Variants in CSGALNACT1 observed in about 807,000 individuals in gnomAD.
CSGALNACT1 encodes the protein beta4GalNAcT-1.
In CSGALNACT1, 52 loss-of-function variants were observed where a neutral mutation model predicts 51.0. The ratio of observed to expected loss-of-function variants is 1.02; its 90% CI spans 0.82 to 1.29. The LOEUF (loss-of-function observed/expected upper bound fraction) is 1.29, where lower values mean the gene tolerates loss of function less well. Among genes scored for constraint, CSGALNACT1 ranks in the 50% most tolerant of loss-of-function variants. The pLI, the probability that CSGALNACT1 is intolerant of heterozygous loss-of-function variation, is 0.00. For missense variants in CSGALNACT1, 935 were observed against 679.2 expected (o/e 1.38, Z -4.19); for synonymous variants, 341 against 254.4 (o/e 1.34, Z -3.24).
At chr8:19,749,340 T>G (rs2064886310) in intron 1 of CSGALNACT1, among the ~76,000 whole-genome samples, 1 of 148,450 alleles carries the variant, frequency 6.7e-6, no homozygotes, top group Non-Finnish European at 1.5e-5. Flanking sequence ...CGATACTGTT[T>G]TTAAATTTTT....
At chr8:19,488,073 G>A (rs2073416256) in intron 4 of CSGALNACT1, among the ~76,000 whole-genome samples, 2 of 151,962 alleles carry the variant, frequency 1.3e-5, no homozygotes, top group African/African-American at 4.8e-5. Context: ...CAGGGGGCTG[G>A]GCTCAGTGGC....
chr8:19,459,549 G>A (rs929129810), intron 4 of CSGALNACT1, among the ~76,000 whole-genome samples: 1 of 152,050 alleles, frequency 6.6e-6, no homozygotes, highest in Non-Finnish European at 1.5e-5. Context: ...AAAATATTCA[G>A]TACAGTGGTA....
At chr8:19,748,913 C>T (rs2064856810) in intron 1 of CSGALNACT1, among the ~76,000 whole-genome samples, 1 of 151,154 alleles carries the variant, frequency 6.6e-6, no homozygotes, top group Non-Finnish European at 1.5e-5. Flanking sequence ...TGCAGTGAGC[C>T]GAGATCGCAC....
intron 1 of CSGALNACT1, among the ~76,000 whole-genome samples, chr8:19,638,050 G>A (rs1324749365): frequency 1.3e-5 from 2 of 152,156 alleles, no homozygotes; most frequent in African/African-American, 4.8e-5. Context: ...AAGTTTCGAT[G>A]AAGGTATAGA....
chr8:19,595,504 A>C (rs1348661559), intron 2 of CSGALNACT1, among the ~76,000 whole-genome samples: 32 of 152,214 alleles, frequency 2.1e-4, no homozygotes, highest in Admixed American at 2.1e-3. Context: ...TAAGAACTTA[A>C]ATATGATTTT....
At chr8:19,598,876 C>CCATT (rs1302986524) in intron 2 of CSGALNACT1, among the ~76,000 whole-genome samples, 1 of 152,180 alleles carries the variant, frequency 6.6e-6, no homozygotes, top group Non-Finnish European at 1.5e-5. Context: ...ATTCACTTTT[C>CCATT]CATTCATTCA....
intron 1 of CSGALNACT1, among the ~76,000 whole-genome samples, chr8:19,727,095 G>A (rs1362801653): frequency 6.6e-6 from 1 of 152,086 alleles, no homozygotes; most frequent in Non-Finnish European, 1.5e-5. Flanking sequence ...CCATTCCTGG[G>A]GCTGAGGGAA....
intron 1 of CSGALNACT1, among the ~76,000 whole-genome samples, chr8:19,651,965 C>T (rs1460914883): frequency 2.0e-5 from 3 of 151,702 alleles, no homozygotes; most frequent in Non-Finnish European, 4.4e-5. Context: ...GGCTCTCACT[C>T]TGCCACCCAG....
At chr8:19,430,729 A>G (rs2059527974) in intron 6 of CSGALNACT1, among the ~76,000 whole-genome samples, 2 of 152,138 alleles carry the variant, frequency 1.3e-5, no homozygotes, top group South Asian at 2.1e-4. Context: ...CATATCTACA[A>G]GAAAGTCATC....
chr8:19,621,421 G>C (rs937394566), intron 1 of CSGALNACT1, among the ~76,000 whole-genome samples: 1 of 152,090 alleles, frequency 6.6e-6, no homozygotes, highest in African/African-American at 2.4e-5. Flanking sequence ...GAAAACCTAT[G>C]TTTGCATATG....
At chr8:19,656,923 C>G (rs2058331053) in intron 1 of CSGALNACT1, among the ~76,000 whole-genome samples, 1 of 151,688 alleles carries the variant, frequency 6.6e-6, no homozygotes, top group Admixed American at 6.6e-5. Flanking sequence ...AAAATTAGCT[C>G]AGCTTGGTGG....
At chr8:19,619,248 C>T (rs1026031352) in intron 1 of CSGALNACT1, among the ~76,000 whole-genome samples, 6 of 41,458 alleles carry the variant, frequency 1.4e-4, no homozygotes, top group East Asian at 3.7e-3. Flanking sequence ...TAGACAGGGT[C>T]GGGGGGGGGT....
chr8:19,658,253 C>T (rs988500857), intron 1 of CSGALNACT1, among the ~76,000 whole-genome samples: 4 of 151,898 alleles, frequency 2.6e-5, no homozygotes, highest in Non-Finnish European at 5.9e-5. Flanking sequence ...TCTGGAAGCC[C>T]CCAAGAGGAA....
intron 1 of CSGALNACT1, among the ~76,000 whole-genome samples, chr8:19,680,581 CA>C (rs1176336019): frequency 9.1e-6 from 1 of 109,840 alleles, no homozygotes; most frequent in Non-Finnish European, 2.0e-5. Context: ...CCCCCCCCCA[CA>C]AAAAAAGAGA....
At chr8:19,518,912 T>G (rs1421738208) in intron 3 of CSGALNACT1, among the ~76,000 whole-genome samples, 1 of 152,144 alleles carries the variant, frequency 6.6e-6, no homozygotes, top group East Asian at 1.9e-4. Context: ...CTTTATTTAT[T>G]TACAGTGAAA....
intron 3 of CSGALNACT1, among the ~76,000 whole-genome samples, chr8:19,523,228 G>A (rs1383608188): frequency 6.6e-6 from 1 of 152,138 alleles, no homozygotes; most frequent in Non-Finnish European, 1.5e-5. Context: ...AAGGTGGCAT[G>A]TAAGATGTTC....
intron 3 of CSGALNACT1, among the ~76,000 whole-genome samples, chr8:19,568,990 A>T (rs1325269140): frequency 1.3e-5 from 2 of 152,246 alleles, no homozygotes; most frequent in South Asian, 4.1e-4. Context: ...TACTTCCAGG[A>T]GGAGGTAACA....
intron 5 of CSGALNACT1, among the ~76,000 whole-genome samples, chr8:19,453,706 G>A (rs1449100701): frequency 2.0e-5 from 3 of 152,208 alleles, no homozygotes; most frequent in Non-Finnish European, 4.4e-5. Flanking sequence ...GAGGTCAGGA[G>A]TTCAAGACCA....
chr8:19,611,381 A>C lies in CSGALNACT1; in HGVS notation c.-543-9516T>G, dbSNP rs115839863. Among the ~76,000 whole-genome samples, 1,093 of 152,336 alleles carry C rather than the reference A, an allele frequency of 7.2e-3. 18 individuals carry two copies. The highest frequency in any genetic ancestry group is 0.025 in the African/African-American group (1,047 of 41,566). ...GGTTTAAGGTTTGACAGAAATAGTT[A>C]TAACTTCCTTCACAGTAGTAAAAAT... On this transcript the variant is annotated intron_variant, in intron 1 of 9. Coordinates refer to the CSGALNACT1 transcript ENST00000332246.
Sources: allele counts gnomAD v4.1 joint callset (sites outside exome capture counted in the v4.1 genomes callset), GRCh38; gene constraint gnomAD v4.1.1; transcripts MANE v1.5; gene names NCBI Gene and HGNC (gene_info 2026-07-23, HGNC 2026-07-21).